The following HIKESHI variants were observed in gnomAD, a reference collection of about 807,000 sequenced individuals.
HIKESHI encodes the protein heat shock protein nuclear import factor hikeshi.
A neutral mutation model predicts 25.7 loss-of-function variants in HIKESHI; 13 were observed. The ratio of observed to expected loss-of-function variants is 0.51; its 90% confidence interval spans 0.33 to 0.80. The LOEUF (loss-of-function observed/expected upper bound fraction) is 0.80. HIKESHI is among the 30% of genes least tolerant of loss of function. The pLI is 0.02. For synonymous variants in HIKESHI, 76 were observed against 78.7 expected, an observed-to-expected ratio of 0.97 and a Z score of 0.18; for missense variants, 174 against 229.5, an observed-to-expected ratio of 0.76 and a Z score of 1.56.
intron 2 of HIKESHI, among the ~76,000 whole-genome samples, chr11:86,327,760 A>G (rs980640201): frequency 6.6e-6 from 1 of 152,246 alleles, no homozygotes; most frequent in African/African-American, 2.4e-5. Flanking sequence ...TTCCCTATTA[A>G]TGGAAATCTG....
intron 3 of HIKESHI, among the ~76,000 whole-genome samples, chr11:86,337,818 C>T (rs745475356): frequency 3.9e-5 from 6 of 151,982 alleles, no homozygotes; most frequent in African/African-American, 1.2e-4. Context: ...TCACCACACC[C>T]GGCTAAGTTT....
intron 1 of HIKESHI, among the ~76,000 whole-genome samples, chr11:86,302,782 T>C (rs1946530178): frequency 6.6e-6 from 1 of 152,234 alleles, no homozygotes; most frequent in Non-Finnish European, 1.5e-5. Context: ...TATTTGGCAC[T>C]TTGAACTTAA....
chr11:86,304,380 C>T lies in HIKESHI; in HGVS notation c.31-1865C>T, dbSNP rs377741180. Among the ~76,000 whole-genome samples, 98 of 152,116 alleles carry T rather than the reference C, an allele frequency of 6.4e-4. 1 individual carries two copies. Among genetic ancestry groups the T allele is most frequent in the African/African-American group, 2.3e-3 (94 of 41,480 alleles). On this transcript the variant is annotated intron_variant, in intron 1 of 4. Coordinates refer to ENST00000278483, the MANE Select transcript of HIKESHI (RefSeq NM_016401.4). ...TTGAACTTGGTCATTTTAAACAGCA[C>T]GATCACCAACAAAAATCACAAAAAT...
intron 2 of HIKESHI, among the ~76,000 whole-genome samples, chr11:86,331,046 T>C (rs1947408912): frequency 6.6e-6 from 1 of 152,192 alleles, no homozygotes; most frequent in South Asian, 2.1e-4. Flanking sequence ...ATGGAGATAA[T>C]ACCTGCAGTG....
At chr11:86,319,126 G>A in intron 2 of HIKESHI, among the ~76,000 whole-genome samples, 1 of 150,792 alleles carries the variant, frequency 6.6e-6, no homozygotes, top group East Asian at 1.9e-4. Flanking sequence ...TGCCCAGGCT[G>A]GTCTCAAATT....
At chr11:86,317,519 C>A (rs1947019157) in intron 2 of HIKESHI, among the ~76,000 whole-genome samples, 1 of 152,066 alleles carries the variant, frequency 6.6e-6, no homozygotes, top group Non-Finnish European at 1.5e-5. Flanking sequence ...AAGGTTGAAT[C>A]AAGGGCTGGG....
At chr11:86,309,615 T>C (rs1946777969) in intron 2 of HIKESHI, among the ~76,000 whole-genome samples, 2 of 152,200 alleles carry the variant, frequency 1.3e-5, no homozygotes, top group Non-Finnish European at 2.9e-5. Flanking sequence ...TTGCCATTGC[T>C]TTTGGTGTTT....
intron 2 of HIKESHI, among the ~76,000 whole-genome samples, chr11:86,320,324 T>C (rs1456151011): frequency 6.6e-6 from 1 of 152,238 alleles, no homozygotes; most frequent in Admixed American, 6.5e-5. Flanking sequence ...ACGCCTGTAA[T>C]CCCAGCACTT....
chr11:86,307,150 ATATT>A (rs1444361471), intron 2 of HIKESHI, among the ~76,000 whole-genome samples: 1 of 117,346 alleles, frequency 8.5e-6, no homozygotes, highest in African/African-American at 3.2e-5. Flanking sequence ...TATCAAATAT[ATATT>A]ATGTGTAATA....
At chr11:86,335,547 G>A (rs1947532572) in intron 2 of HIKESHI, among the ~76,000 whole-genome samples, 3 of 152,194 alleles carry the variant, frequency 2.0e-5, no homozygotes, top group Admixed American at 1.3e-4. Context: ...AGCAGGAAGT[G>A]AAGACTAAGG....
intron 2 of HIKESHI, among the ~76,000 whole-genome samples, chr11:86,335,407 C>A (rs1310830087): frequency 6.6e-6 from 1 of 152,142 alleles, no homozygotes; most frequent in African/African-American, 2.4e-5. Flanking sequence ...GGAATGAGGG[C>A]TTTGAAATTC....
intron 1 of HIKESHI, among the ~76,000 whole-genome samples, chr11:86,305,851 C>T (rs57089989): frequency 0.047 from 7,127 of 152,082 alleles, 455 homozygotes; most frequent in African/African-American, 0.14. Context: ...AGCGATTCTC[C>T]TGCCTCAGCC....
intron 2 of HIKESHI, among the ~76,000 whole-genome samples, chr11:86,322,510 G>A (rs1947177505): frequency 6.6e-6 from 1 of 152,066 alleles, no homozygotes; most frequent in Admixed American, 6.6e-5. Context: ...TCAGGTATGT[G>A]ATTTGAAAGT....
chr11:86,316,402 C>T (rs1395973642), intron 2 of HIKESHI, among the ~76,000 whole-genome samples: 2 of 152,080 alleles, frequency 1.3e-5, no homozygotes, highest in African/African-American at 4.8e-5. Flanking sequence ...ATCCCAGCTA[C>T]TTGGCAGTCT....
At chr11:86,312,810 C>G (rs923165056) in intron 2 of HIKESHI, among the ~76,000 whole-genome samples, 1 of 152,112 alleles carries the variant, frequency 6.6e-6, no homozygotes, top group African/African-American at 2.4e-5. Flanking sequence ...TTCTCCTTCA[C>G]TTATGAAGCT....
chr11:86,316,437 G>C lies in HIKESHI; in HGVS notation c.268+9955G>C, dbSNP rs780565831. On this transcript the variant is annotated intron_variant, in intron 2 of 4. Coordinates refer to ENST00000278483, the MANE Select transcript of HIKESHI (RefSeq NM_016401.4). ...TGAGGCAGGAGAACCGCTTGAACTC[G>C]GGAGGTGGAGGTTGCAGTGAGCCGA... Among the ~76,000 whole-genome samples the C allele has an allele frequency of 3.3e-5, 5 of 152,130 alleles. No homozygotes were observed. The South Asian group carries it at 1.0e-3, about 32-fold the overall frequency.
intron 2 of HIKESHI, among the ~76,000 whole-genome samples, chr11:86,319,128 T>G (rs770904902): frequency 4.6e-5 from 7 of 151,274 alleles, no homozygotes; most frequent in Non-Finnish European, 1.0e-4. Context: ...CCCAGGCTGG[T>G]CTCAAATTCC....
At position 86,345,820 on chromosome 11, in the gene HIKESHI, T is replaced by C. The variant is rs1262744107; in HGVS notation, c.*182T>C. On this transcript the variant is annotated 3_prime_UTR_variant, in exon 5 of 5. Transcript: ENST00000278483. ...ACATTGAAAAATGAAAATATGTTCA[T>C]CATTAAAGACTTTTTTCCCCTTAAG... The C allele has an allele frequency of 5.2e-6, 2 of 386,330 alleles. No individual in the cohort carries two copies. Among genetic ancestry groups the C allele is most frequent in the Non-Finnish European group, 4.6e-6 (1 of 218,438 alleles). The allele number at this position is 386,330 out of a possible 1,614,324, so 23.9% of individuals were successfully genotyped here. A position where few individuals can be genotyped will look rare whatever the true frequency, so the allele number is the denominator to read the frequency against.
At chr11:86,311,725 C>T (rs1946840626) in intron 2 of HIKESHI, among the ~76,000 whole-genome samples, 1 of 152,164 alleles carries the variant, frequency 6.6e-6, no homozygotes, top group Non-Finnish European at 1.5e-5. Context: ...CTACACACTG[C>T]TTTGAATGTG....
Sources: gnomAD v4.1 joint callset for allele counts (sites outside exome capture counted in the v4.1 genomes callset) on GRCh38, gnomAD v4.1.1 for gene constraint, MANE v1.5 for transcripts, NCBI Gene and HGNC (gene_info 2026-07-23, HGNC 2026-07-21) for gene names.